CD99L2: variants seen among roughly 807,000 people sequenced by gnomAD.
CD99L2 encodes CD99 antigen-like protein 2.
CD99L2 carries 24 observed loss-of-function variants against 27.3 expected under a neutral mutation model. That is an observed-to-expected ratio of 0.88 (90% CI 0.64 to 1.24). The LOEUF is 1.24. Among genes scored for constraint, CD99L2 ranks in the 50% most tolerant of loss-of-function variants. The probability of loss-of-function intolerance (pLI) is 0.00; values close to 1 mark genes in which losing one functional copy is unlikely to be tolerated. For missense variants in CD99L2, 255 were observed against 221.6 expected (o/e 1.15, Z -0.96); for synonymous variants, 97 against 87.9 (o/e 1.10, Z -0.58).
At chrX:150,771,757 C>T in intron 9 of CD99L2, 1 of 1,146,610 alleles carries the variant, frequency 8.7e-7, no homozygotes, top group Non-Finnish European at 1.2e-6. Flanking sequence ...AATGAGGAAG[C>T]ATCAAGGCTG....
chrX:150,776,392 C>T, intron 8 of CD99L2, 99 bp from the exon 9 acceptor site: 1 of 982,614 alleles, frequency 1.0e-6, no homozygotes, highest in Non-Finnish European at 1.3e-6. Context: ...CACCAAACTA[C>T]TAGACGCCCC....
In CD99L2 at chrX:150,871,044, G is replaced by A. The variant is rs148626586; in HGVS notation, c.67+27478C>T. ...AACATTTAAAATTGTGGGAAATGTC[G>A]ACAGTCCCATTTCCTTTTAAATAAC... is the stretch of plus-strand genomic sequence containing the variant. On this transcript the variant is annotated intron_variant, in intron 1 of 10. Transcript: ENST00000370377. Among the ~76,000 whole-genome samples the A allele has an allele frequency of 2.4e-3, 265 of 112,368 alleles. 3 individuals are homozygous for A. The highest frequency in any genetic ancestry group is 7.5e-3 in the African/African-American group (233 of 30,981).
At chrX:150,848,670 T>C (rs2046743081) in intron 1 of CD99L2, among the ~76,000 whole-genome samples, 1 of 110,840 alleles carries the variant, frequency 9.0e-6, no homozygotes, top group Admixed American at 9.6e-5. Flanking sequence ...TATCATCTAA[T>C]TGACCATCCC....
At chrX:150,863,583 T>TTTTG (rs1286116626) in intron 1 of CD99L2, among the ~76,000 whole-genome samples, 288 of 111,090 alleles carry the variant, frequency 2.6e-3, no homozygotes, top group African/African-American at 8.3e-3. Context: ...TTTGGTGTTT[T>TTTTG]TTTGTTTGTT....
chrX:150,810,671 T>G (rs2046058918), intron 4 of CD99L2, among the ~76,000 whole-genome samples: 1 of 111,578 alleles, frequency 9.0e-6, no homozygotes, highest in South Asian at 3.7e-4. Flanking sequence ...AAGCAAAAGA[T>G]GGTTTTTGAA....
At chrX:150,821,617 G>T (rs1320186825) in intron 2 of CD99L2, among the ~76,000 whole-genome samples, 2 of 112,319 alleles carry the variant, frequency 1.8e-5, no homozygotes, top group Non-Finnish European at 3.8e-5. Flanking sequence ...GCAATGACAT[G>T]CAAAGCATGG....
intron 1 of CD99L2, among the ~76,000 whole-genome samples, chrX:150,889,996 C>CA (rs1557422744): frequency 4.6e-5 from 5 of 108,957 alleles, no homozygotes; most frequent in Admixed American, 2.9e-4. Flanking sequence ...ACTAAAAATA[C>CA]AAAAAAATTA....
chrX:150,814,981 C>A (rs201325686), intron 3 of CD99L2, 45 bp from the exon 4 acceptor site: 1 of 1,185,661 alleles, frequency 8.4e-7, no homozygotes, highest in African/African-American at 1.8e-5. Flanking sequence ...AACTGATTAA[C>A]AACTGGGTAT....
chrX:150,782,075 G>A (rs983208028), intron 7 of CD99L2, among the ~76,000 whole-genome samples: 1 of 111,833 alleles, frequency 8.9e-6, no homozygotes, highest in Admixed American at 9.5e-5. Context: ...GGAGAGTAAC[G>A]TAATGGTAGG....
At chrX:150,867,914 A>C (rs1488611443) in intron 1 of CD99L2, among the ~76,000 whole-genome samples, 1 of 98,802 alleles carries the variant, frequency 1.0e-5, no homozygotes, top group African/African-American at 3.7e-5. Flanking sequence ...AAAAAAAAAA[A>C]AAAAAAAACC....
At chrX:150,862,052 G>T (rs925553493) in intron 1 of CD99L2, among the ~76,000 whole-genome samples, 1 of 111,825 alleles carries the variant, frequency 8.9e-6, no homozygotes, top group Non-Finnish European at 1.9e-5. Flanking sequence ...CCAATAACAA[G>T]TTTTGAAATT....
At chrX:150,859,150 C>T (rs2046935470) in intron 1 of CD99L2, among the ~76,000 whole-genome samples, 1 of 111,721 alleles carries the variant, frequency 9.0e-6, no homozygotes. Flanking sequence ...AAGATTGAAT[C>T]AGGAAGAAAT....
chrX:150,852,407 T>C (rs1219965780), intron 1 of CD99L2, among the ~76,000 whole-genome samples: 2 of 109,475 alleles, frequency 1.8e-5, no homozygotes, highest in East Asian at 5.8e-4. Context: ...CCCTCAGGGG[T>C]CCCTCTGCCC....
chrX:150,788,198 G>A (rs1384042885), intron 7 of CD99L2, among the ~76,000 whole-genome samples: 1 of 110,720 alleles, frequency 9.0e-6, no homozygotes, highest in Admixed American at 9.6e-5. Context: ...AATCCAACAC[G>A]ATCAAGTAGA....
chrX:150,808,163 T>C (rs1208452991), intron 4 of CD99L2, among the ~76,000 whole-genome samples: 1 of 112,617 alleles, frequency 8.9e-6, no homozygotes, highest in East Asian at 2.8e-4. Flanking sequence ...CTGCCTGCTG[T>C]AGCACCACAA....
At chrX:150,773,873 T>C (rs1227470096) in intron 9 of CD99L2, among the ~76,000 whole-genome samples, 1 of 112,402 alleles carries the variant, frequency 8.9e-6, no homozygotes, top group African/African-American at 3.2e-5. Context: ...GTGAGACCTT[T>C]TGGCTCCCAG....
intron 7 of CD99L2, among the ~76,000 whole-genome samples, chrX:150,793,099 C>G (rs191800676): frequency 7.8e-4 from 87 of 112,140 alleles, no homozygotes; most frequent in Middle Eastern, 4.6e-3. Context: ...CTGATGAAAT[C>G]TGAACAAGGT....
Position 150,768,498 on chromosome X carries a change from CGT to C in CD99L2, c.*534_*535del, listed in dbSNP as rs1480357255. 8.8e-6 allele frequency: 1 copy of C among 113,468 alleles called. No individual in the cohort carries two copies. Among genetic ancestry groups the C allele is most frequent in the African/African-American group, 3.2e-5 (1 of 30,916 alleles). 9.4% of individuals were successfully genotyped at this position (113,468 alleles called of 1,213,427 possible). A position where few individuals can be genotyped will look rare whatever the true frequency, so the allele number is the denominator to read the frequency against. On this transcript the variant is annotated 3_prime_UTR_variant, in exon 11 of 11. Coordinates refer to ENST00000370377, the MANE Select transcript of CD99L2 (RefSeq NM_031462.4). ...AGTGAAACCATCATCCTGGGTGCTG[CGT>C]GTGTGTGGTGTTACTTGGTGCTGAC...
intron 7 of CD99L2, among the ~76,000 whole-genome samples, chrX:150,780,652 T>G: frequency 9.2e-6 from 1 of 108,396 alleles, no homozygotes; most frequent in African/African-American, 3.4e-5. Context: ...TATGCAGAAA[T>G]ATGCAGAAAT....
Sources: allele counts gnomAD v4.1 joint callset (sites outside exome capture counted in the v4.1 genomes callset), GRCh38; gene constraint gnomAD v4.1.1; transcripts MANE v1.5; gene names NCBI Gene and HGNC (gene_info 2026-07-23, HGNC 2026-07-21).